The following IGSF21 variants were observed in gnomAD, a reference collection of about 807,000 sequenced individuals.
IGSF21 encodes immunoglobulin superfamily member 21.
A neutral mutation model predicts 46.8 loss-of-function variants in IGSF21; 28 were observed. That is an observed-to-expected ratio of 0.60 (90% CI 0.44 to 0.82). The LOEUF is 0.82. Ranked by LOEUF, IGSF21 falls within the 40% of genes least tolerant of loss-of-function variation. The pLI, the probability that IGSF21 is intolerant of heterozygous loss-of-function variation, is 0.00. For synonymous variants in IGSF21, 284 were observed against 273.6 expected, an observed-to-expected ratio of 1.04 and a Z score of -0.38; for missense variants, 624 against 665.5, an observed-to-expected ratio of 0.94 and a Z score of 0.69.
intron 1 of IGSF21, among the ~76,000 whole-genome samples, chr1:18,190,098 G>A (rs2086940888): frequency 6.6e-6 from 1 of 152,206 alleles, no homozygotes; most frequent in Admixed American, 6.5e-5. Flanking sequence ...AATTGCCCTT[G>A]AAGGTCACCG....
At chr1:18,340,485 A>G (rs1221612194) in intron 4 of IGSF21, among the ~76,000 whole-genome samples, 3 of 152,354 alleles carry the variant, frequency 2.0e-5, no homozygotes, top group Admixed American at 6.5e-5. Context: ...TGCCAGGCAC[A>G]ATTCTAGGTG....
chr1:18,115,842 G>GAAGGAAGGAAGAAAGA (rs1326188397), intron 1 of IGSF21: 3 of 87,768 alleles, frequency 3.4e-5, no homozygotes, highest in Admixed American at 1.2e-4. Flanking sequence ...AGGAAGGAAG[G>GAAGGAAGGAAGAAAGA]AAGAAAGAAA....
chr1:18,317,220 T>C (rs2085552311), intron 3 of IGSF21, among the ~76,000 whole-genome samples: 1 of 151,708 alleles, frequency 6.6e-6, no homozygotes, highest in Non-Finnish European at 1.5e-5. Flanking sequence ...GGACCAGTGG[T>C]GGTTCCTCTA....
At chr1:18,282,507 A>C (rs1248528371) in intron 2 of IGSF21, among the ~76,000 whole-genome samples, 1 of 151,868 alleles carries the variant, frequency 6.6e-6, no homozygotes, top group East Asian at 1.9e-4. Context: ...TGTCTGATAG[A>C]GTTTGGGGGG....
intron 1 of IGSF21, chr1:18,176,301 G>A (rs1004545889): frequency 6.6e-6 from 1 of 152,204 alleles, no homozygotes; most frequent in Admixed American, 6.5e-5. Flanking sequence ...TGCAAATGAC[G>A]AGACACCTGG....
At chr1:18,297,715 A>G (rs2085325018) in intron 3 of IGSF21, among the ~76,000 whole-genome samples, 1 of 152,190 alleles carries the variant, frequency 6.6e-6, no homozygotes, top group South Asian at 2.1e-4. Flanking sequence ...GATCCTTTAA[A>G]GCATCTCTAG....
In IGSF21 at chr1:18,362,249, C is replaced by T. The variant is rs757574083; in HGVS notation, c.540+19C>T. 47 of 1,552,372 alleles carry T rather than the reference C, an allele frequency of 3.0e-5. No individual in the cohort carries two copies. Among genetic ancestry groups the T allele is most frequent in the Non-Finnish European group, 3.8e-5 (43 of 1,130,430 alleles). ...ACCCATGGTGAGTACCCCTGGAGTG[C>T]CCAGCTCCTTCCTATCTGCCGGACC... On this transcript the variant is annotated intron_variant, in intron 5 of 9. Transcript: ENST00000251296.
chr1:18,362,306 G>A, intron 5 of IGSF21, 76 bp downstream of exon 5: 1 of 1,029,698 alleles, frequency 9.7e-7, no homozygotes, highest in South Asian at 1.4e-5. Flanking sequence ...AGCTGCAGGT[G>A]TCGCCACTGT....
At position 18,291,809 on chromosome 1, in the gene IGSF21, G is replaced by A. The variant is rs576431826; in HGVS notation, c.184-57G>A. On this transcript the variant is annotated intron_variant, in intron 2 of 9. Transcript: ENST00000251296. ...GCATCTTGTCAGTGTCCTGGGGAAA[G>A]GGGTGACCAGGGCCGGTTGAGCACT... 93 of 1,597,492 alleles carry A rather than the reference G, an allele frequency of 5.8e-5. No homozygotes were observed. In the South Asian group the frequency reaches 1.0e-3, roughly 17 times the overall value.
chr1:18,328,748 G>C (rs2085682817), intron 3 of IGSF21, among the ~76,000 whole-genome samples: 1 of 152,140 alleles, frequency 6.6e-6, no homozygotes, highest in African/African-American at 2.4e-5. Context: ...AACAGCACAG[G>C]AAAAGCAAAT....
Position 18,136,844 on chromosome 1 carries a change from G to A in IGSF21, c.70+28646G>A, listed in dbSNP as rs548753705. ...TGGCATTGAATCTATAAATTACCTC[G>A]GGCAGTATGGCCATTTTCACGATAT... On this transcript the variant is annotated intron_variant, in intron 1 of 9. Coordinates refer to ENST00000251296, the MANE Select transcript of IGSF21 (RefSeq NM_032880.5). Among the ~76,000 whole-genome samples the A allele has an allele frequency of 5.9e-5, 9 of 152,046 alleles. No individual in the cohort carries two copies. In the East Asian group the frequency reaches 1.2e-3, roughly 20 times the overall value.
rs892236351 is a variant in IGSF21 at position 18,109,237 on chromosome 1, G to A, written c.70+1039G>A. 3.3e-5 allele frequency among the ~76,000 whole-genome samples: 5 copies of A among 151,950 alleles called. No homozygotes were observed. The highest frequency in any genetic ancestry group is 7.4e-5 in the Non-Finnish European group (5 of 67,986). On this transcript the variant is annotated intron_variant, in intron 1 of 9. Transcript: ENST00000251296. This position sits in a 1 kb window ranked among gnomAD's most constrained non-coding sequence, Gnocchi z 4.8. ...GCTAAAAGCCAGGAGGGAGGGAGGC[G>A]GGACCAGCGAAGAGCCGCAGGCACC...
intron 2 of IGSF21, among the ~76,000 whole-genome samples, chr1:18,286,349 T>C (rs2085211911): frequency 6.6e-6 from 1 of 152,274 alleles, no homozygotes; most frequent in South Asian, 2.1e-4. Context: ...TGCCAGGCAC[T>C]GTGCTAGGCT....
At chr1:18,205,704 G>A (rs938568198) in intron 1 of IGSF21, among the ~76,000 whole-genome samples, 2 of 152,196 alleles carry the variant, frequency 1.3e-5, no homozygotes, top group African/African-American at 4.8e-5. Flanking sequence ...GACTCAAGGT[G>A]GGACTAAGGT....
At chr1:18,279,871 C>A (rs888525009) in intron 2 of IGSF21, among the ~76,000 whole-genome samples, 1 of 152,234 alleles carries the variant, frequency 6.6e-6, no homozygotes, top group African/African-American at 2.4e-5. Flanking sequence ...TGATCTGCCA[C>A]GGGTCTGCCG....
intron 1 of IGSF21, among the ~76,000 whole-genome samples, chr1:18,144,113 C>T (rs79119252): frequency 0.011 from 1,610 of 152,252 alleles, 11 homozygotes; most frequent in East Asian, 0.057. Flanking sequence ...TACTCTGTTC[C>T]GTTTTCTGTT....
intron 2 of IGSF21, among the ~76,000 whole-genome samples, chr1:18,234,375 G>T (rs1294459800): frequency 6.6e-6 from 1 of 152,192 alleles, no homozygotes; most frequent in African/African-American, 2.4e-5. Flanking sequence ...AAGGCAGCCA[G>T]AGAGGGCCCA....
In IGSF21 at chr1:18,209,853, C is replaced by G. The variant is rs115881522; in HGVS notation, c.71-18045C>G. On this transcript the variant is annotated intron_variant, in intron 1 of 9. Transcript: ENST00000251296. Reference sequence around the variant, plus strand: ...TCTTGTCCCTGGAGACAAACCTGCCCCAGACACGGTCCATGCATCCGTTGC... The same window carrying G: ...TCTTGTCCCTGGAGACAAACCTGCCGCAGACACGGTCCATGCATCCGTTGC... 7.0e-3 allele frequency among the ~76,000 whole-genome samples: 1,058 copies of G among 152,154 alleles called. 11 individuals are homozygous for G. Among genetic ancestry groups the G allele is most frequent in the African/African-American group, 0.024 (1,007 of 41,502 alleles).
At chr1:18,376,043 G>A (rs1347632412) in intron 6 of IGSF21, 1 of 381,518 alleles carries the variant, frequency 2.6e-6, no homozygotes, top group Admixed American at 3.6e-5. Flanking sequence ...CCCCACTGAT[G>A]TGTGAACCCC....
Sources: allele counts gnomAD v4.1 joint callset (sites outside exome capture counted in the v4.1 genomes callset), GRCh38; gene constraint gnomAD v4.1.1; non-coding constraint Gnocchi (gnomAD v3.1); transcripts MANE v1.5; gene names NCBI Gene and HGNC (gene_info 2026-07-23, HGNC 2026-07-21).